The following NEO1 variants were observed in gnomAD, a reference collection of about 807,000 sequenced individuals.
NEO1 encodes neogenin.
Under a neutral mutation model 159.7 loss-of-function variants are expected in NEO1, and 63 were observed. That is an observed-to-expected ratio of 0.39 (90% CI 0.32 to 0.49). NEO1 has a LOEUF of 0.49. NEO1 is among the 20% of genes least tolerant of loss of function. The pLI is 0.85. For synonymous variants in NEO1, 633 were observed against 662.0 expected (o/e 0.96, Z 0.67); for missense variants, 1,615 against 1,831.0 (o/e 0.88, Z 2.15).
Position 73,173,413 on chromosome 15 carries a change from A to G in NEO1, c.1016-2990A>G, listed in dbSNP as rs188641429. On this transcript the variant is annotated intron_variant, in intron 5 of 28. Transcript: ENST00000261908. ...TGAAACCAATTAGTGTCCTGAAATAAACCCCCAAGAGTACGTAGATTTTAG... is the reference window on the plus strand; with the variant it reads ...TGAAACCAATTAGTGTCCTGAAATAGACCCCCAAGAGTACGTAGATTTTAG... 7.9e-5 allele frequency among the ~76,000 whole-genome samples: 12 copies of G among 152,300 alleles called. No individual in the cohort carries two copies. The East Asian group carries it at 2.3e-3, about 29-fold the overall frequency.
intron 7 of NEO1, among the ~76,000 whole-genome samples, chr15:73,231,747 G>A (rs144982284): frequency 9.2e-5 from 14 of 152,186 alleles, no homozygotes; most frequent in Non-Finnish European, 2.1e-4. Flanking sequence ...TGGCCCCTCC[G>A]TATTGCCTTC....
At chr15:73,101,856 G>A (rs934079615) in intron 1 of NEO1, among the ~76,000 whole-genome samples, 15 of 152,178 alleles carry the variant, frequency 9.9e-5, no homozygotes, top group African/African-American at 3.1e-4. Context: ...ACATGCTCAA[G>A]TCTCTCCTCT....
intron 7 of NEO1, among the ~76,000 whole-genome samples, chr15:73,218,051 G>T (rs62017785): frequency 2.0e-4 from 30 of 152,170 alleles, no homozygotes; most frequent in East Asian, 9.7e-4. Flanking sequence ...CAGTATGATA[G>T]TGGCTGTGGG....
At chr15:73,174,296 T>A (rs2035154688) in intron 5 of NEO1, among the ~76,000 whole-genome samples, 1 of 152,134 alleles carries the variant, frequency 6.6e-6, no homozygotes, top group Non-Finnish European at 1.5e-5. Flanking sequence ...AGGACATAGC[T>A]ATGGGCCAAA....
intron 1 of NEO1, among the ~76,000 whole-genome samples, chr15:73,098,560 C>T (rs2151491536): frequency 6.6e-6 from 1 of 152,264 alleles, no homozygotes; most frequent in East Asian, 1.9e-4. Flanking sequence ...GAAATCACTC[C>T]ATGGTAGAAA....
At chr15:73,118,910 C>G (rs1391720316) in intron 2 of NEO1, among the ~76,000 whole-genome samples, 5 of 152,110 alleles carry the variant, frequency 3.3e-5, no homozygotes. Flanking sequence ...ATGTTATAGG[C>G]AATACTATAG....
At chr15:73,282,919 T>G in intron 22 of NEO1, 45 bp from the exon 23 acceptor site, 1 of 1,590,012 alleles carries the variant, frequency 6.3e-7, no homozygotes, top group Non-Finnish European at 8.6e-7. Flanking sequence ...TATGCATGTT[T>G]TAAATTCTCT....
In NEO1 at chr15:73,177,030, G is replaced by A. The variant is rs2035317861; in HGVS notation, c.1170+473G>A. Among the ~76,000 whole-genome samples, 7 of 152,238 alleles carry A rather than the reference G, an allele frequency of 4.6e-5. No individual in the cohort carries two copies. The South Asian group carries it at 1.5e-3, about 32-fold the overall frequency. ...AAAACTTAACCTTAAATCGTATACC[G>A]ATGCCCAGACCCTTCAAAATAAGGA... On this transcript the variant is annotated intron_variant, in intron 6 of 28. Coordinates refer to ENST00000261908, the MANE Select transcript of NEO1 (RefSeq NM_002499.4).
At chr15:73,258,676 G>A (rs1047142050) in intron 13 of NEO1, 90 bp from the exon 14 acceptor site, 6 of 1,049,304 alleles carry the variant, frequency 5.7e-6, no homozygotes, top group African/African-American at 1.6e-5. Context: ...CTGAGTTGGT[G>A]ACTGAGATGT....
intron 19 of NEO1, among the ~76,000 whole-genome samples, chr15:73,272,816 A>G (rs3784795): frequency 5.9e-5 from 9 of 151,810 alleles, no homozygotes; most frequent in Non-Finnish European, 1.2e-4. Context: ...GCCTTTGGCT[A>G]TAGTGGGACT....
At chr15:73,289,015 C>G in intron 24 of NEO1, 131 bp from the exon 25 acceptor site, 1 of 672,678 alleles carries the variant, frequency 1.5e-6, no homozygotes, top group Non-Finnish European at 2.6e-6. Flanking sequence ...TATTTCACTT[C>G]TTACAGAAAT....
At chr15:73,260,506 T>G in intron 15 of NEO1, 41 bp downstream of exon 15, 2 of 1,438,054 alleles carry the variant, frequency 1.4e-6, no homozygotes, top group Non-Finnish European at 1.9e-6. Context: ...TGTGGGAGAT[T>G]CCTTTCTTTT....
chr15:73,091,383 C>CT (rs35876706), intron 1 of NEO1, among the ~76,000 whole-genome samples: 8 of 151,672 alleles, frequency 5.3e-5, no homozygotes, highest in Admixed American at 1.3e-4. Context: ...TTTATACAAA[C>CT]TTTTTTTTTC....
At chr15:73,283,179 A>G (rs2041802659) in intron 23 of NEO1, 68 bp downstream of exon 23, 1 of 1,539,534 alleles carries the variant, frequency 6.5e-7, no homozygotes, top group Non-Finnish European at 8.9e-7. Context: ...TGACTTCTGT[A>G]TATGGAGTGG....
chr15:73,257,936 C>CT (rs2040445838), intron 13 of NEO1, among the ~76,000 whole-genome samples: 2 of 152,150 alleles, frequency 1.3e-5, no homozygotes, highest in Admixed American at 1.3e-4. Context: ...TTGCTCCTGC[C>CT]TTTTGTCTTG....
intron 18 of NEO1, 109 bp downstream of exon 18, chr15:73,270,563 A>G (rs2041122496): frequency 8.0e-7 from 1 of 1,243,426 alleles, no homozygotes; most frequent in Non-Finnish European, 1.1e-6. Context: ...TACATTTGGA[A>G]TTCAGTGTTT....
At chr15:73,054,512 A>C (rs2067610813) in intron 1 of NEO1, among the ~76,000 whole-genome samples, 1 of 152,194 alleles carries the variant, frequency 6.6e-6, no homozygotes, top group Non-Finnish European at 1.5e-5. Context: ...TTATATAATT[A>C]AGTAATTGTG....
chr15:73,172,535 C>A (rs1377394873), intron 5 of NEO1, among the ~76,000 whole-genome samples: 1 of 152,174 alleles, frequency 6.6e-6, no homozygotes, highest in Non-Finnish European at 1.5e-5. Context: ...GAGTTTGAAA[C>A]CCACATTTAG....
At chr15:73,077,277 C>A (rs1391081871) in intron 1 of NEO1, among the ~76,000 whole-genome samples, 1 of 152,204 alleles carries the variant, frequency 6.6e-6, no homozygotes, top group Non-Finnish European at 1.5e-5. Context: ...CTCCTGACCT[C>A]AGGTGATCCA....
Sources: allele counts gnomAD v4.1 joint callset (sites outside exome capture counted in the v4.1 genomes callset), GRCh38; gene constraint gnomAD v4.1.1; transcripts MANE v1.5; gene names NCBI Gene and HGNC (gene_info 2026-07-23, HGNC 2026-07-21).